KCNJ6: variants seen among roughly 807,000 people sequenced by gnomAD.
KCNJ6 encodes the protein potassium inwardly rectifying channel subfamily J member 6.
KCNJ6 carries 9 observed loss-of-function variants against 34.2 expected under a neutral mutation model. The ratio of observed to expected loss-of-function variants is 0.26; its 90% confidence interval spans 0.16 to 0.46. The LOEUF (loss-of-function observed/expected upper bound fraction) is 0.46. KCNJ6 is among the 20% of genes least tolerant of loss of function. KCNJ6 has a pLI of 1.00. For synonymous variants in KCNJ6, 196 were observed against 207.1 expected, an observed-to-expected ratio of 0.95 and a Z score of 0.46; for missense variants, 236 against 531.3, an observed-to-expected ratio of 0.44 and a Z score of 5.46.
intron 1 of KCNJ6, among the ~76,000 whole-genome samples, 161 bp downstream of exon 1, chr21:37,915,723 T>C (rs1438500140): frequency 6.6e-6 from 1 of 152,224 alleles, no homozygotes; most frequent in Non-Finnish European, 1.5e-5. Flanking sequence ...GGCTTCTCCC[T>C]CGCCTTTCGG....
At chr21:37,902,116 C>T (rs2055819737) in intron 1 of KCNJ6, among the ~76,000 whole-genome samples, 1 of 152,230 alleles carries the variant, frequency 6.6e-6, no homozygotes, top group Non-Finnish European at 1.5e-5. Context: ...TGCCCAAGGG[C>T]ATGAGGACTT....
chr21:37,838,199 CA>C (rs1452692838), intron 2 of KCNJ6, among the ~76,000 whole-genome samples: 5 of 152,214 alleles, frequency 3.3e-5, no homozygotes, highest in African/African-American at 1.2e-4. Flanking sequence ...ATTCACAGAC[CA>C]AAATCATTAG....
intron 3 of KCNJ6, among the ~76,000 whole-genome samples, chr21:37,710,375 G>A: frequency 6.6e-6 from 1 of 152,196 alleles, no homozygotes; most frequent in Non-Finnish European, 1.5e-5. Context: ...GCCAATGAGT[G>A]GGGATACAGA....
At chr21:37,889,363 A>G (rs764670218) in intron 1 of KCNJ6, among the ~76,000 whole-genome samples, 3 of 151,078 alleles carry the variant, frequency 2.0e-5, no homozygotes, top group Non-Finnish European at 3.0e-5. Context: ...ACAAGCAAGG[A>G]GCCCTCCAGA....
intron 2 of KCNJ6, among the ~76,000 whole-genome samples, chr21:37,789,350 C>T (rs981899075): frequency 2.6e-5 from 4 of 152,068 alleles, no homozygotes; most frequent in Admixed American, 6.6e-5. Flanking sequence ...CTTAATCCAA[C>T]GAAATTGGTG....
At chr21:37,907,153 T>C (rs1199039048) in intron 1 of KCNJ6, among the ~76,000 whole-genome samples, 5 of 152,228 alleles carry the variant, frequency 3.3e-5, no homozygotes, top group African/African-American at 1.2e-4. Context: ...ATTCCTTGTC[T>C]TTTGACTGAA....
In KCNJ6 at chr21:37,743,087, C is replaced by A. The variant is rs77772017; in HGVS notation, c.26-27956G>T. Among the ~76,000 whole-genome samples the A allele has an allele frequency of 6.8e-3, 1,031 of 152,278 alleles. 16 individuals are homozygous for A. Among genetic ancestry groups the A allele is most frequent in the African/African-American group, 0.023 (947 of 41,548 alleles). Reference sequence around the variant, plus strand: ...ATATGTTTAGTTTCTGTCCTCACCACCCAGTGCCTGCCTCTGGGACAGCAC... The same window carrying A: ...ATATGTTTAGTTTCTGTCCTCACCAACCAGTGCCTGCCTCTGGGACAGCAC... On this transcript the variant is annotated intron_variant, in intron 2 of 3. Coordinates refer to ENST00000609713, the MANE Select transcript of KCNJ6 (RefSeq NM_002240.5).
intron 1 of KCNJ6, among the ~76,000 whole-genome samples, chr21:37,870,927 T>C (rs887069341): frequency 1.3e-5 from 2 of 152,194 alleles, no homozygotes; most frequent in South Asian, 2.1e-4. Flanking sequence ...TCTTTGTGCA[T>C]CTTACAGACT....
intron 2 of KCNJ6, among the ~76,000 whole-genome samples, chr21:37,736,946 G>A (rs564245236): frequency 1.3e-5 from 2 of 152,326 alleles, no homozygotes; most frequent in Non-Finnish European, 2.9e-5. Context: ...CTGGGCTGTT[G>A]CAGTTGACTG....
chr21:37,853,129 T>A (rs2055545568), intron 1 of KCNJ6, among the ~76,000 whole-genome samples: 1 of 148,962 alleles, frequency 6.7e-6, no homozygotes. Flanking sequence ...GAATAATGGC[T>A]GCAATTTTTT....
At chr21:37,667,186 T>TAAAA (rs1569441641) in intron 3 of KCNJ6, among the ~76,000 whole-genome samples, 17 of 86,832 alleles carry the variant, frequency 2.0e-4, no homozygotes, top group African/African-American at 7.1e-4. Flanking sequence ...AAAAAAAAAT[T>TAAAA]AAATGAGGCA....
At chr21:37,867,063 T>C (rs2055626244) in intron 1 of KCNJ6, among the ~76,000 whole-genome samples, 1 of 152,214 alleles carries the variant, frequency 6.6e-6, no homozygotes. Context: ...TCCCTTCTCA[T>C]AGAAAAAGCC....
chr21:37,639,213 C>G (rs796098344), intron 3 of KCNJ6, among the ~76,000 whole-genome samples: 30 of 152,320 alleles, frequency 2.0e-4, no homozygotes, highest in African/African-American at 6.0e-4. Context: ...AAAACCCACC[C>G]TCCTTTGATT....
rs945591986 is a variant in KCNJ6, at chr21:37,864,017, G to A, written c.-27-23308C>T. The stretch of plus-strand genomic sequence containing the variant: ...AATGAGTCATCCGGCATCACAAGCC[G>A]GGTTGTGGGGCTTGAGGCCGGTTTC... On this transcript the variant is annotated intron_variant, in intron 1 of 3. Coordinates refer to ENST00000609713, the MANE Select transcript of KCNJ6 (RefSeq NM_002240.5). 4.6e-5 allele frequency among the ~76,000 whole-genome samples: 7 copies of A among 152,068 alleles called. No individual in the cohort carries two copies. The East Asian group carries it at 7.8e-4, about 17-fold the overall frequency.
At chr21:37,713,939 G>C (rs184952563) in intron 3 of KCNJ6, among the ~76,000 whole-genome samples, 1 of 152,094 alleles carries the variant, frequency 6.6e-6, no homozygotes, top group East Asian at 1.9e-4. Flanking sequence ...GTTTAATTTA[G>C]GTAAATATTT....
chr21:37,767,557 G>A (rs2055097490), intron 2 of KCNJ6, among the ~76,000 whole-genome samples: 3 of 152,192 alleles, frequency 2.0e-5, no homozygotes, highest in Admixed American at 2.0e-4. Flanking sequence ...CAGTGAGAGT[G>A]ACAGGGAGAG....
chr21:37,835,949 T>C (rs1266482223), intron 2 of KCNJ6, among the ~76,000 whole-genome samples: 1 of 152,152 alleles, frequency 6.6e-6, no homozygotes, highest in Non-Finnish European at 1.5e-5. Flanking sequence ...AAGGGTAGTG[T>C]TAAAAAATTG....
chr21:37,724,127 A>G (rs1483800447), intron 2 of KCNJ6, among the ~76,000 whole-genome samples: 1 of 152,106 alleles, frequency 6.6e-6, no homozygotes, highest in Non-Finnish European at 1.5e-5. Flanking sequence ...GTGCTAGACT[A>G]AGGAGATTGT....
chr21:37,770,268 C>T (rs972749202), intron 2 of KCNJ6, among the ~76,000 whole-genome samples: 2 of 152,098 alleles, frequency 1.3e-5, no homozygotes, highest in Admixed American at 6.6e-5. Context: ...CTTTCGCGGG[C>T]CATTTCTATA....
Sources: gnomAD v4.1 joint callset for allele counts (sites outside exome capture counted in the v4.1 genomes callset) on GRCh38, gnomAD v4.1.1 for gene constraint, MANE v1.5 for transcripts, NCBI Gene and HGNC (gene_info 2026-07-23, HGNC 2026-07-21) for gene names.